The following MCTP2 variants were observed in gnomAD, a reference collection of about 807,000 sequenced individuals.
MCTP2 encodes multiple C2 and transmembrane domain-containing protein 2.
MCTP2 carries 132 observed loss-of-function variants against 111.6 expected under a neutral mutation model. That is an observed-to-expected ratio of 1.18 (90% CI 1.03 to 1.37). MCTP2 has a LOEUF of 1.37. MCTP2 is among the 40% of genes most tolerant of loss of function. The pLI is 0.00. For missense variants in MCTP2, 1,183 were observed against 1,067.9 expected, an observed-to-expected ratio of 1.11 and a Z score of -1.50; for synonymous variants, 395 against 387.7, an observed-to-expected ratio of 1.02 and a Z score of -0.22.
At chr15:94,257,258 A>T (rs1278381856) in intron 1 of MCTP2, among the ~76,000 whole-genome samples, 1 of 152,060 alleles carries the variant, frequency 6.6e-6, no homozygotes, top group Non-Finnish European at 1.5e-5. Flanking sequence ...ATCCCTCTTC[A>T]AACATATATA....
chr15:94,469,552 C>G (rs1457708850), intron 20 of MCTP2, among the ~76,000 whole-genome samples: 1 of 152,172 alleles, frequency 6.6e-6, no homozygotes, highest in Non-Finnish European at 1.5e-5. Flanking sequence ...TCAGTGAACA[C>G]AAAACCACCA....
Position 94,298,636 on chromosome 15 carries a change from A to G in MCTP2, c.371A>G (p.Tyr124Cys), listed in dbSNP as rs374667631. The change falls in exon 2 of 23, where the codon TAT becomes TGT. Residue 124 changes from tyrosine to cysteine, a missense_variant. Coordinates refer to ENST00000357742, the MANE Select transcript of MCTP2 (RefSeq NM_001385001.1). ...HVVETDSEEA[Y>C]ASPAERRRVS... ...GTGGAAACAGACTCAGAGGAGGCCT[A>G]TGCCTCTCCTGCTGAGCGGAGACGG... is the stretch of plus-strand genomic sequence containing the variant. 5.1e-5 allele frequency: 83 copies of G among 1,614,106 alleles called. 1 individual carries two copies. Among genetic ancestry groups the G allele is most frequent in the Middle Eastern group, 3.3e-4 (2 of 6,062 alleles).
intron 20 of MCTP2, among the ~76,000 whole-genome samples, chr15:94,466,833 T>C (rs2073366657): frequency 6.6e-6 from 1 of 152,156 alleles, no homozygotes; most frequent in South Asian, 2.1e-4. Context: ...TCTGTTGATA[T>C]TAGTATTTTA....
intron 1 of MCTP2, among the ~76,000 whole-genome samples, chr15:94,243,154 T>G (rs897345681): frequency 4.4e-5 from 5 of 114,290 alleles, no homozygotes; most frequent in Non-Finnish European, 7.7e-5. Context: ...TTTATATACG[T>G]GTGTGTATAT....
intron 19 of MCTP2, among the ~76,000 whole-genome samples, chr15:94,452,850 C>T (rs891482316): frequency 2.0e-5 from 3 of 152,210 alleles, no homozygotes; most frequent in African/African-American, 7.2e-5. Flanking sequence ...ACTACATTTA[C>T]TGCTAATCAT....
chr15:94,402,546 C>T, intron 17 of MCTP2: 1 of 1,551,706 alleles, frequency 6.4e-7, no homozygotes, highest in Non-Finnish European at 8.7e-7. Context: ...TGACATTGGC[C>T]CATCCTTATG....
At chr15:94,369,943 T>C (rs1230072854) in intron 11 of MCTP2, 144 bp from the exon 12 acceptor site, 6 of 491,584 alleles carry the variant, frequency 1.2e-5, no homozygotes, top group African/African-American at 4.0e-5. Flanking sequence ...CGTCCTGTTA[T>C]ATAATATATT....
At chr15:94,388,981 TG>T (rs2080694311) in intron 14 of MCTP2, among the ~76,000 whole-genome samples, 1 of 152,114 alleles carries the variant, frequency 6.6e-6, no homozygotes, top group Non-Finnish European at 1.5e-5. Context: ...GGGTCGGGGT[TG>T]GGGGGTGGCA....
intron 17 of MCTP2, among the ~76,000 whole-genome samples, chr15:94,430,661 T>A (rs1486955066): frequency 2.0e-5 from 3 of 151,094 alleles, no homozygotes. Flanking sequence ...GGCAGGACAA[T>A]CACTGGAACC....
At chr15:94,437,083 A>T (rs1453962109) in intron 17 of MCTP2, among the ~76,000 whole-genome samples, 1 of 150,556 alleles carries the variant, frequency 6.6e-6, no homozygotes, top group Non-Finnish European at 1.5e-5. Flanking sequence ...AAGCCACACT[A>T]GAGGAAATCA....
intron 1 of MCTP2, among the ~76,000 whole-genome samples, chr15:94,276,034 T>C (rs56052861): frequency 0.12 from 17,741 of 151,860 alleles, 1,318 homozygotes; most frequent in Non-Finnish European, 0.17. Context: ...TTAGTAGAGA[T>C]GGGATTTCAC....
At chr15:94,317,590 C>T (rs1411319724) in intron 4 of MCTP2, among the ~76,000 whole-genome samples, 1 of 152,178 alleles carries the variant, frequency 6.6e-6, no homozygotes, top group African/African-American at 2.4e-5. Context: ...GGCCATCTTA[C>T]CTGCTGCCTC....
chr15:94,430,893 C>T (rs56285760), intron 17 of MCTP2, among the ~76,000 whole-genome samples: 35,730 of 152,180 alleles, frequency 0.23, 4,318 homozygotes, highest in East Asian at 0.4. Context: ...TGCTCACTTA[C>T]TGCCCTCTCA....
At chr15:94,445,191 A>T (rs934158194) in intron 19 of MCTP2, among the ~76,000 whole-genome samples, 10 of 152,308 alleles carry the variant, frequency 6.6e-5, no homozygotes, top group Middle Eastern at 3.4e-3. Flanking sequence ...GCATGGCCCA[A>T]ACCCATACCA....
chr15:94,296,394 T>G (rs2152331965), intron 1 of MCTP2, among the ~76,000 whole-genome samples: 1 of 152,294 alleles, frequency 6.6e-6, no homozygotes, highest in South Asian at 2.1e-4. Flanking sequence ...TGAAACAATT[T>G]TAAAAGTCGC....
chr15:94,465,226 C>T (rs1014575408), intron 20 of MCTP2, among the ~76,000 whole-genome samples: 1 of 151,948 alleles, frequency 6.6e-6, no homozygotes, highest in African/African-American at 2.4e-5. Context: ...TCCTAAATAC[C>T]TTGTTGACCA....
chr15:94,479,026 G>GCTCT lies in MCTP2; in HGVS notation c.2632_2635dup (p.Ter879SerfsTer91). The GCTCT allele has an allele frequency of 6.2e-7, 1 of 1,613,990 alleles. No homozygotes were observed. On this transcript the variant is annotated frameshift_variant, in exon 23 of 23. Coordinates refer to ENST00000357742, the MANE Select transcript of MCTP2 (RefSeq NM_001385001.1). LOFTEE classifies it high-confidence loss of function. Reference sequence around the variant, plus strand: ...CAGCCCCCTGCGGAAGAAGCGCAGCGCTCTCTAGGGCACACACCGACTTTG... The same window carrying GCTCT: ...CAGCCCCCTGCGGAAGAAGCGCAGCGCTCTCTCTCTAGGGCACACACCGACTTTG...
intron 12 of MCTP2, among the ~76,000 whole-genome samples, chr15:94,380,215 T>C (rs1264292268): frequency 6.6e-6 from 1 of 152,140 alleles, no homozygotes; most frequent in East Asian, 1.9e-4. Context: ...TAAGTGAATA[T>C]GCATGCTGAC....
intron 14 of MCTP2, among the ~76,000 whole-genome samples, chr15:94,396,781 A>G (rs919560487): frequency 1.1e-4 from 17 of 152,190 alleles, no homozygotes; most frequent in Admixed American, 1.3e-4. Context: ...ATGTTCATCA[A>G]TAGGAGAATG....
Sources: gnomAD v4.1 joint callset for allele counts (sites outside exome capture counted in the v4.1 genomes callset) on GRCh38, gnomAD v4.1.1 for gene constraint, MANE v1.5 for transcripts, NCBI Gene and HGNC (gene_info 2026-07-23, HGNC 2026-07-21) for gene names.